CREB1: variants seen among roughly 807,000 people sequenced by gnomAD.
CREB1 encodes cAMP responsive element binding protein 1.
In CREB1, 2 loss-of-function variants were observed where a neutral mutation model predicts 42.0. The observed-to-expected ratio is 0.05, with a 90% CI of 0.02 to 0.15. The LOEUF is 0.15. Ranked by LOEUF, CREB1 falls within the 10% of genes least tolerant of loss-of-function variation. The pLI is 1.00. For synonymous variants in CREB1, 123 were observed against 139.9 expected, an observed-to-expected ratio of 0.88 and a Z score of 0.85; for missense variants, 199 against 388.9, an observed-to-expected ratio of 0.51 and a Z score of 4.11.
chr2:207,588,261 A>G (rs1207619477), intron 7 of CREB1, among the ~76,000 whole-genome samples: 1 of 152,082 alleles, frequency 6.6e-6, no homozygotes, highest in African/African-American at 2.4e-5. Flanking sequence ...TTATATAGGA[A>G]CATCCATTTG....
At position 207,602,426 on chromosome 2, in the gene CREB1, A is replaced by G. The variant is rs1045780; in HGVS notation, c.*5368A>G. On this transcript the variant is annotated 3_prime_UTR_variant, in exon 8 of 8. Coordinates refer to ENST00000353267, the MANE Select transcript of CREB1 (RefSeq NM_004379.5). ...CCAGCAAGTAAAAGGAAAATGAACAATCTTTTGGAATTGTCTTTGAAAAGG... is the reference window on the plus strand; with the variant it reads ...CCAGCAAGTAAAAGGAAAATGAACAGTCTTTTGGAATTGTCTTTGAAAAGG... The G allele has an allele frequency of 0.85, 168,868 of 199,370 alleles. 71,839 individuals carry two copies. The highest frequency in any genetic ancestry group is 1 in the East Asian group (12,912 of 12,918). 12.4% of individuals were successfully genotyped at this position (199,370 alleles called of 1,614,324 possible).
chr2:207,532,252 G>A (rs2080667844), intron 1 of CREB1, among the ~76,000 whole-genome samples: 1 of 151,356 alleles, frequency 6.6e-6, no homozygotes, highest in Admixed American at 6.6e-5. Context: ...CTACTCGGGG[G>A]GCTGGGGTTG....
At chr2:207,582,273 T>C (rs185360464) in intron 7 of CREB1, 2 of 649,144 alleles carry the variant, frequency 3.1e-6, no homozygotes, top group African/African-American at 3.6e-5. Context: ...CTTTTCTCTT[T>C]AAAGTTTTGC....
Position 207,602,008 on chromosome 2 carries a change from A to G in CREB1, c.*4950A>G, listed in dbSNP as rs1022424522. ...GAGGCATTAATCTTTGAGGGGCTGA[A>G]CATATCATGAAGCTGAGTCAGTATG... is the stretch of plus-strand genomic sequence containing the variant. On this transcript the variant is annotated 3_prime_UTR_variant, in exon 8 of 8. Coordinates refer to ENST00000353267, the MANE Select transcript of CREB1 (RefSeq NM_004379.5). 7.3e-5 allele frequency: 15 copies of G among 206,582 alleles called. No homozygotes were observed. Among genetic ancestry groups the G allele is most frequent in the Middle Eastern group, 1.5e-3 (1 of 648 alleles). The allele number at this position is 206,582 out of a possible 1,614,324, so 12.8% of individuals were successfully genotyped here. A position where few individuals can be genotyped will look rare whatever the true frequency, so the allele number is the denominator to read the frequency against.
At chr2:207,535,916 G>A (rs898847556) in intron 1 of CREB1, among the ~76,000 whole-genome samples, 10 of 151,838 alleles carry the variant, frequency 6.6e-5, no homozygotes, top group African/African-American at 2.4e-4. Context: ...CTGTTTCCTG[G>A]CTCAAGCCAT....
rs1431756791 is a variant in CREB1, at chr2:207,597,459, G to A, written c.*401G>A. 8.6e-6 allele frequency: 2 copies of A among 231,328 alleles called. No individual in the cohort carries two copies. The highest frequency in any genetic ancestry group is 4.4e-5 in the African/African-American group (2 of 44,964). 14.3% of individuals were successfully genotyped at this position (231,328 alleles called of 1,614,324 possible). Reference sequence around the variant, plus strand: ...AATTACCCCAGCCTCTTGAGCTGAAGTAATGTGTGGGCCGCATGCATAAAG... The same window carrying A: ...AATTACCCCAGCCTCTTGAGCTGAAATAATGTGTGGGCCGCATGCATAAAG... On this transcript the variant is annotated 3_prime_UTR_variant, in exon 8 of 8. Transcript: ENST00000353267.
rs976872966 is a variant in CREB1, at chr2:207,604,571, G to C, written c.*7513G>C. On this transcript the variant is annotated 3_prime_UTR_variant, in exon 8 of 8. Coordinates refer to ENST00000353267, the MANE Select transcript of CREB1 (RefSeq NM_004379.5). ...AAATGGAAAGGAAGGATAATGTCCA[G>C]GAGTTGGAATGTTATCCTTGTTTTT... Among the ~76,000 whole-genome samples the C allele has an allele frequency of 6.6e-6, 1 of 152,178 alleles. No homozygotes were observed. The highest frequency in any genetic ancestry group is 2.4e-5 in the African/African-American group (1 of 41,428).
At chr2:207,593,836 A>G (rs1336437598) in intron 7 of CREB1, among the ~76,000 whole-genome samples, 1 of 150,680 alleles carries the variant, frequency 6.6e-6, no homozygotes, top group African/African-American at 2.4e-5. Flanking sequence ...TTCCTACCTC[A>G]GCCTCCCAAG....
chr2:207,566,384 C>A (rs772540773), intron 3 of CREB1, among the ~76,000 whole-genome samples: 1 of 152,116 alleles, frequency 6.6e-6, no homozygotes, highest in Admixed American at 6.5e-5. Flanking sequence ...TTACTCTGAC[C>A]GCATAATGTG....
At chr2:207,577,174 C>CT (rs1243279705) in intron 6 of CREB1, 3 of 1,060,376 alleles carry the variant, frequency 2.8e-6, no homozygotes, top group African/African-American at 3.4e-5. Context: ...GGACTATACT[C>CT]TATCTAGGAA....
intron 7 of CREB1, among the ~76,000 whole-genome samples, chr2:207,590,083 GT>G (rs59126515): frequency 2.5e-3 from 191 of 76,156 alleles, no homozygotes; most frequent in Non-Finnish European, 3.7e-3. Context: ...ATTTTGAGAA[GT>G]TTTTTTTTTT....
chr2:207,598,431 C>G lies in CREB1; in HGVS notation c.*1373C>G. The G allele has an allele frequency of 5.5e-6, 1 of 180,918 alleles. No individual in the cohort carries two copies. Among genetic ancestry groups the G allele is most frequent in the African/African-American group, 2.4e-5 (1 of 42,248 alleles). 11.2% of individuals were successfully genotyped at this position (180,918 alleles called of 1,614,324 possible). On this transcript the variant is annotated 3_prime_UTR_variant, in exon 8 of 8. Transcript: ENST00000353267. ...ATATCATACATTGTTTTCAATACCA[C>G]TTTTAATTGTTACTCATTTTATTCA...
At chr2:207,592,992 TTATAAA>T (rs1350404292) in intron 7 of CREB1, among the ~76,000 whole-genome samples, 5 of 152,306 alleles carry the variant, frequency 3.3e-5, no homozygotes, top group African/African-American at 9.6e-5. Flanking sequence ...GAGATTACAG[TTATAAA>T]TATGTTAGGA....
chr2:207,555,601 T>C (rs775027151), intron 1 of CREB1, 27 bp from the exon 2 acceptor site: 1 of 1,447,982 alleles, frequency 6.9e-7, no homozygotes, highest in South Asian at 1.2e-5. Context: ...ACTGTGGTGC[T>C]TGTAACACTC....
chr2:207,581,364 T>TA (rs1362637492), intron 7 of CREB1: 3 of 200,166 alleles, frequency 1.5e-5, no homozygotes, highest in Non-Finnish European at 3.1e-5. Context: ...TAAGAGTAAA[T>TA]AAAGGTGTAT....
At chr2:207,565,250 T>G (rs1374614972) in intron 3 of CREB1, among the ~76,000 whole-genome samples, 3 of 152,188 alleles carry the variant, frequency 2.0e-5, no homozygotes, top group African/African-American at 4.8e-5. Context: ...ACTTCATTCT[T>G]GGCTTGGTAT....
chr2:207,561,549 C>A (rs1156596531), intron 3 of CREB1, among the ~76,000 whole-genome samples: 2 of 152,160 alleles, frequency 1.3e-5, no homozygotes, highest in Non-Finnish European at 2.9e-5. Context: ...TTCTCGGAAA[C>A]TAGATTAGCA....
Position 207,567,311 on chromosome 2 carries a change from G to A in CREB1, c.262-152G>A, listed in dbSNP as rs17515729. On this transcript the variant is annotated intron_variant, in intron 3 of 7. Transcript: ENST00000353267. The stretch of plus-strand genomic sequence containing the variant: ...GTTTATAGGGTAAGTAAAGGGAAGG[G>A]GAAAGTGATTGGTGTGGTTGTCTCC... 2.3e-4 allele frequency: 114 copies of A among 498,300 alleles called. No individual in the cohort carries two copies. In the East Asian group the frequency reaches 3.6e-3, roughly 16 times the overall value. 30.9% of individuals were successfully genotyped at this position (498,300 alleles called of 1,614,324 possible).
At chr2:207,552,523 G>C (rs1001695363) in intron 1 of CREB1, among the ~76,000 whole-genome samples, 4 of 29,706 alleles carry the variant, frequency 1.3e-4, no homozygotes, top group African/African-American at 1.8e-4. Context: ...CTACAAAGGA[G>C]GTATGATACA....
Sources: gnomAD v4.1 joint callset for allele counts (sites outside exome capture counted in the v4.1 genomes callset) on GRCh38, gnomAD v4.1.1 for gene constraint, MANE v1.5 for transcripts, NCBI Gene and HGNC (gene_info 2026-07-23, HGNC 2026-07-21) for gene names.